FRMD3: variants seen among roughly 807,000 people sequenced by gnomAD.
The protein encoded by FRMD3 is FERM domain containing 3, also known as FERM domain-containing protein 3.
FRMD3 carries 33 observed loss-of-function variants against 70.2 expected under a neutral mutation model. The ratio of observed to expected loss-of-function variants is 0.47; its 90% confidence interval spans 0.36 to 0.63. The LOEUF (loss-of-function observed/expected upper bound fraction) is 0.63, where lower values mean the gene tolerates loss of function less well. Among genes scored for constraint, FRMD3 ranks in the 20% least tolerant of loss-of-function variants. The pLI is 0.00. For synonymous variants in FRMD3, 279 were observed against 255.9 expected (o/e 1.09, Z -0.86); for missense variants, 632 against 711.4 (o/e 0.89, Z 1.27).
intron 4 of FRMD3, among the ~76,000 whole-genome samples, chr9:83,347,401 T>A (rs10746700): frequency 0.31 from 47,450 of 152,098 alleles, 7,776 homozygotes; most frequent in Non-Finnish European, 0.35. Context: ...GAGTCATAAA[T>A]TATTGTGCTG....
chr9:83,315,374 G>C (rs1185276702), intron 6 of FRMD3, among the ~76,000 whole-genome samples: 1 of 152,118 alleles, frequency 6.6e-6, no homozygotes, highest in African/African-American at 2.4e-5. Context: ...GTGCCGTGTG[G>C]AACAGCATGT....
chr9:83,496,696 G>A (rs1194195772), intron 1 of FRMD3, among the ~76,000 whole-genome samples: 1 of 152,094 alleles, frequency 6.6e-6, no homozygotes, highest in Non-Finnish European at 1.5e-5. Flanking sequence ...AAACATAGGT[G>A]GTTTCTCCAT....
intron 1 of FRMD3, among the ~76,000 whole-genome samples, chr9:83,522,852 C>T (rs898497710): frequency 1.3e-5 from 2 of 152,044 alleles, no homozygotes; most frequent in African/African-American, 2.4e-5. Context: ...CGTGAGCCAC[C>T]GCGCCCAGCC....
At chr9:83,421,793 T>C (rs1055133482) in intron 1 of FRMD3, among the ~76,000 whole-genome samples, 2 of 152,234 alleles carry the variant, frequency 1.3e-5, no homozygotes, top group African/African-American at 4.8e-5. Context: ...AAATGTTCTG[T>C]AGGCCTTATC....
intron 6 of FRMD3, among the ~76,000 whole-genome samples, chr9:83,315,690 A>G (rs1835541856): frequency 6.6e-6 from 1 of 152,178 alleles, no homozygotes; most frequent in Admixed American, 6.5e-5. Flanking sequence ...CTGTGAGCCA[A>G]TTAAACCTCT....
intron 8 of FRMD3, 41 bp downstream of exon 8, chr9:83,311,846 T>G (rs1835367991): frequency 7.2e-7 from 1 of 1,398,162 alleles, no homozygotes; most frequent in Admixed American, 1.7e-5. Context: ...GGAATCAAGA[T>G]TAAGAAAAAT....
intron 1 of FRMD3, among the ~76,000 whole-genome samples, chr9:83,536,579 A>G (rs980924051): frequency 6.6e-6 from 1 of 152,198 alleles, no homozygotes; most frequent in African/African-American, 2.4e-5. Flanking sequence ...CCCTTGTGGC[A>G]GTAGAAACAC....
chr9:83,274,085 A>G (rs1463205023), intron 13 of FRMD3, among the ~76,000 whole-genome samples: 1 of 152,194 alleles, frequency 6.6e-6, no homozygotes, highest in Non-Finnish European at 1.5e-5. Context: ...CTCCAAAAGC[A>G]CTAAGGATTA....
At chr9:83,346,895 G>C (rs1172575705) in intron 4 of FRMD3, among the ~76,000 whole-genome samples, 1 of 152,076 alleles carries the variant, frequency 6.6e-6, no homozygotes, top group Admixed American at 6.6e-5. Context: ...TTTGAGGACA[G>C]GCCCAAGACT....
chr9:83,533,814 T>G (rs78846905), intron 1 of FRMD3, among the ~76,000 whole-genome samples: 1 of 152,228 alleles, frequency 6.6e-6, no homozygotes, highest in Admixed American at 6.5e-5. Context: ...CAAAGCACTA[T>G]GCTAAGATTT....
chr9:83,385,792 A>G (rs537595926), intron 2 of FRMD3, among the ~76,000 whole-genome samples: 8 of 152,214 alleles, frequency 5.3e-5, no homozygotes, highest in African/African-American at 1.4e-4. Flanking sequence ...CCATACCAGC[A>G]TGTCTCTGTT....
chr9:83,369,834 T>C (rs980997418), intron 3 of FRMD3, among the ~76,000 whole-genome samples: 1 of 152,156 alleles, frequency 6.6e-6, no homozygotes, highest in Non-Finnish European at 1.5e-5. Context: ...ATATACAAAA[T>C]ATTGTTTGCA....
intron 3 of FRMD3, among the ~76,000 whole-genome samples, chr9:83,371,321 CTT>C (rs5898826): frequency 0.014 from 2,134 of 148,296 alleles, 43 homozygotes; most frequent in African/African-American, 0.043. Context: ...TGTCTTATTA[CTT>C]TTTTTTTTTT....
intron 1 of FRMD3, among the ~76,000 whole-genome samples, chr9:83,491,342 A>G (rs1013295577): frequency 6.6e-6 from 1 of 152,158 alleles, no homozygotes; most frequent in Non-Finnish European, 1.5e-5. Flanking sequence ...GAGACAATAT[A>G]AAAACAGTGC....
At chr9:83,284,245 A>T (rs1739963727) in intron 13 of FRMD3, among the ~76,000 whole-genome samples, 1 of 152,120 alleles carries the variant, frequency 6.6e-6, no homozygotes, top group Non-Finnish European at 1.5e-5. Flanking sequence ...CCATAAGGGG[A>T]AAGGTGATTC....
the FRMD3 span, among the ~76,000 whole-genome samples, chr9:83,584,480 T>A: frequency 6.6e-6 from 1 of 152,054 alleles, no homozygotes; most frequent in Non-Finnish European, 1.5e-5. Flanking sequence ...CACTCTTTCA[T>A]CCCCGTTAAT....
chr9:83,369,212 T>C (rs1202217807), intron 3 of FRMD3, among the ~76,000 whole-genome samples: 2 of 152,196 alleles, frequency 1.3e-5, no homozygotes, highest in African/African-American at 2.4e-5. Context: ...GTATACAGCA[T>C]GTTTATTGCA....
At chr9:83,490,786 TCTCTCTCTCTCTCACA>T (rs1443835448) in intron 1 of FRMD3, among the ~76,000 whole-genome samples, 106 of 128,452 alleles carry the variant, frequency 8.3e-4, no homozygotes, top group African/African-American at 3.2e-3. Context: ...TCTCTCTCTC[TCTCTCTCTCTCTCACA>T]CACACACACA....
chr9:83,546,832 C>T, the FRMD3 span, among the ~76,000 whole-genome samples: 1 of 128,430 alleles, frequency 7.8e-6, no homozygotes, highest in Admixed American at 1.1e-4. Context: ...GCGGAGGTTG[C>T]ACTGAGCCAA....
Sources: allele counts gnomAD v4.1 joint callset (sites outside exome capture counted in the v4.1 genomes callset), GRCh38; gene constraint gnomAD v4.1.1; transcripts MANE v1.5; gene names NCBI Gene and HGNC (gene_info 2026-07-23, HGNC 2026-07-21).